AGMO: variants seen among roughly 807,000 people sequenced by gnomAD.
The protein encoded by AGMO is alkylglycerol monooxygenase.
In AGMO, 75 loss-of-function variants were observed where a neutral mutation model predicts 60.2. The observed-to-expected ratio is 1.25, with a 90% CI of 1.03 to 1.51. The LOEUF is 1.51. Ranked by LOEUF, AGMO falls within the 40% of genes most tolerant of loss-of-function variation. The pLI is 0.00. For missense variants in AGMO, 763 were observed against 525.5 expected (o/e 1.45, Z -4.42); for synonymous variants, 261 against 177.1 (o/e 1.47, Z -3.76).
At chr7:15,365,380 T>TAAACAAAAAAAAAAAAA (rs1782931504) in intron 12 of AGMO, 134 bp downstream of exon 12, 1 of 210,468 alleles carries the variant, frequency 4.8e-6, no homozygotes, top group Non-Finnish European at 8.0e-6. Flanking sequence ...TACTGGTAAG[T>TAAACAAAAAAAAAAAAA]AAAAAAAAAA....
chr7:15,369,947 C>A (rs949727119), intron 10 of AGMO, among the ~76,000 whole-genome samples: 9 of 151,964 alleles, frequency 5.9e-5, no homozygotes, highest in African/African-American at 1.7e-4. Context: ...GATATATTTG[C>A]AGGTTTGTTA....
intron 10 of AGMO, among the ~76,000 whole-genome samples, chr7:15,377,811 T>G (rs1041601734): frequency 6.6e-6 from 1 of 151,952 alleles, no homozygotes; most frequent in African/African-American, 2.4e-5. Flanking sequence ...AGTAGTTAAG[T>G]GAGGGGTTAT....
At chr7:15,251,723 T>C (rs984391087) in intron 12 of AGMO, among the ~76,000 whole-genome samples, 8 of 152,178 alleles carry the variant, frequency 5.3e-5, no homozygotes, top group Non-Finnish European at 1.2e-4. Context: ...AGTTGAGTCC[T>C]TGCAGCAGCC....
chr7:15,191,998 CACACACACAG>C, the AGMO span, among the ~76,000 whole-genome samples: 13 of 149,956 alleles, frequency 8.7e-5, no homozygotes, highest in African/African-American at 3.2e-4. Context: ...CACACACACA[CACACACACAG>C]AGAACTATTC....
Position 15,299,871 on chromosome 7 carries a change from AC to A in AGMO, c.1263+65642del, listed in dbSNP as rs1563075544. Among the ~76,000 whole-genome samples, 216 of 147,602 alleles carry A rather than the reference AC, an allele frequency of 1.5e-3. 5 individuals carry two copies. Among genetic ancestry groups the A allele is most frequent in the African/African-American group, 4.4e-3 (179 of 40,354 alleles). Reference sequence around the variant, plus strand: ...CACACACACACACACACACACACACACACACACACACACACAGTATGTTTTG... The same window carrying A: ...CACACACACACACACACACACACACAACACACACACACACAGTATGTTTTG... On this transcript the variant is annotated intron_variant, in intron 12 of 12. Coordinates refer to ENST00000342526, the MANE Select transcript of AGMO (RefSeq NM_001004320.2).
chr7:15,126,929 C>T, the AGMO span, among the ~76,000 whole-genome samples: 4 of 152,226 alleles, frequency 2.6e-5, no homozygotes, highest in African/African-American at 9.6e-5. Context: ...CTCTGCACAA[C>T]AACACTTGGC....
downstream of AGMO, among the ~76,000 whole-genome samples, chr7:15,197,429 A>G (rs993154726): frequency 2.0e-5 from 3 of 152,234 alleles, no homozygotes; most frequent in Non-Finnish European, 4.4e-5. Flanking sequence ...TGTTAAATAC[A>G]AGGGTTTATA....
intron 11 of AGMO, among the ~76,000 whole-genome samples, chr7:15,365,838 C>T (rs1782954445): frequency 6.6e-6 from 1 of 151,944 alleles, no homozygotes; most frequent in Non-Finnish European, 1.5e-5. Flanking sequence ...TTAGTTTGAG[C>T]ACTGATGAGT....
Position 15,542,665 on chromosome 7 carries a change from C to T in AGMO, c.409+2107G>A, listed in dbSNP as rs112235825. On this transcript the variant is annotated intron_variant, in intron 3 of 12. Transcript: ENST00000342526. ...TTGCATAGAAAATGAGGAAGATTGCCGATGAGTTTATTTTAGGGAGAAAAC... is the reference window on the plus strand; with the variant it reads ...TTGCATAGAAAATGAGGAAGATTGCTGATGAGTTTATTTTAGGGAGAAAAC... 2.4e-3 allele frequency among the ~76,000 whole-genome samples: 362 copies of T among 152,034 alleles called. No individual in the cohort carries two copies. In the Middle Eastern group the frequency reaches 0.031, roughly 13 times the overall value.
chr7:15,295,039 T>C (rs1583374523), intron 12 of AGMO, among the ~76,000 whole-genome samples: 1 of 151,898 alleles, frequency 6.6e-6, no homozygotes, highest in South Asian at 2.1e-4. Flanking sequence ...TAATAAGAGA[T>C]GTATTTCTCA....
intron 8 of AGMO, among the ~76,000 whole-genome samples, chr7:15,388,867 G>T (rs1784028776): frequency 6.6e-6 from 1 of 152,134 alleles, no homozygotes; most frequent in African/African-American, 2.4e-5. Flanking sequence ...TAAACATGTA[G>T]AAGAGTAAAC....
At chr7:15,351,525 A>AC (rs1236395087) in intron 12 of AGMO, among the ~76,000 whole-genome samples, 1 of 152,170 alleles carries the variant, frequency 6.6e-6, no homozygotes, top group Non-Finnish European at 1.5e-5. Context: ...GCAGAAGAAA[A>AC]AAGCAGACAT....
chr7:15,483,028 A>G (rs1782802578), intron 3 of AGMO, among the ~76,000 whole-genome samples: 6 of 152,184 alleles, frequency 3.9e-5, no homozygotes, highest in Admixed American at 3.9e-4. Context: ...TGATTATTTT[A>G]CCAAAAGTAC....
intron 5 of AGMO, among the ~76,000 whole-genome samples, chr7:15,395,000 A>G (rs1435355686): frequency 1.3e-5 from 2 of 152,228 alleles, no homozygotes; most frequent in African/African-American, 2.4e-5. Flanking sequence ...GGTGTCATGA[A>G]AAAAGTATAG....
chr7:15,355,994 A>T (rs1372225586), intron 12 of AGMO, among the ~76,000 whole-genome samples: 2 of 152,226 alleles, frequency 1.3e-5, no homozygotes, highest in African/African-American at 4.8e-5. Flanking sequence ...CCACTTCAAT[A>T]GTAAACAGAA....
chr7:15,440,058 G>T (rs1156790737), intron 3 of AGMO, among the ~76,000 whole-genome samples: 1 of 152,132 alleles, frequency 6.6e-6, no homozygotes, highest in Non-Finnish European at 1.5e-5. Flanking sequence ...AAGCGAGAGG[G>T]GGTTTCTGAT....
chr7:15,192,562 C>A, the AGMO span, among the ~76,000 whole-genome samples: 1 of 152,110 alleles, frequency 6.6e-6, no homozygotes, highest in African/African-American at 2.4e-5. Context: ...GTCTGTGTGA[C>A]CTGATTCTTC....
intron 12 of AGMO, among the ~76,000 whole-genome samples, chr7:15,263,009 A>G (rs1004961372): frequency 1.3e-5 from 2 of 152,186 alleles, no homozygotes; most frequent in Non-Finnish European, 2.9e-5. Context: ...CCTTCTAGAC[A>G]TTGGCTTAGG....
chr7:15,299,809 C>A (rs1023644728), intron 12 of AGMO, among the ~76,000 whole-genome samples: 10 of 143,750 alleles, frequency 7.0e-5, no homozygotes, highest in African/African-American at 2.5e-4. Flanking sequence ...GCCTGGGAGA[C>A]AGAGCAAGAC....
Sources: gnomAD v4.1 joint callset for allele counts (sites outside exome capture counted in the v4.1 genomes callset) on GRCh38, gnomAD v4.1.1 for gene constraint, MANE v1.5 for transcripts, NCBI Gene and HGNC (gene_info 2026-07-23, HGNC 2026-07-21) for gene names.